The following ZC3H12B variants were observed in gnomAD, a reference collection of about 807,000 sequenced individuals.
ZC3H12B encodes the protein probable ribonuclease ZC3H12B.
ZC3H12B carries 7 observed loss-of-function variants against 43.9 expected under a neutral mutation model. The observed-to-expected ratio is 0.16, with a 90% confidence interval of 0.09 to 0.30. The LOEUF is 0.30. Among genes scored for constraint, ZC3H12B ranks in the 10% least tolerant of loss-of-function variants. ZC3H12B has a pLI of 1.00. For synonymous variants in ZC3H12B, 222 were observed against 241.7 expected, an observed-to-expected ratio of 0.92 and a Z score of 0.76; for missense variants, 475 against 670.2, an observed-to-expected ratio of 0.71 and a Z score of 3.22.
chrX:65,081,115 C>T, the ZC3H12B span, among the ~76,000 whole-genome samples: 2 of 102,985 alleles, frequency 1.9e-5, no homozygotes, highest in East Asian at 3.0e-4. Context: ...AAACCTCAAA[C>T]TAAAAAACAT....
At chrX:65,299,849 G>A in the ZC3H12B span, among the ~76,000 whole-genome samples, 1 of 112,579 alleles carries the variant, frequency 8.9e-6, no homozygotes, top group African/African-American at 3.2e-5. Context: ...AAGTGTGAGA[G>A]GGGGAACGTC....
At chrX:65,479,604 G>A (rs2068039409) in intron 3 of ZC3H12B, among the ~76,000 whole-genome samples, 1 of 111,422 alleles carries the variant, frequency 9.0e-6, no homozygotes, top group Admixed American at 9.5e-5. Context: ...CTGACCTCAG[G>A]TGATCTGCCC....
At chrX:65,094,699 G>C in the ZC3H12B span, among the ~76,000 whole-genome samples, 4 of 112,259 alleles carry the variant, frequency 3.6e-5, no homozygotes, top group African/African-American at 1.3e-4. Flanking sequence ...TAAAAAGTCA[G>C]TTTCCATTAA....
chrX:65,101,008 C>T, the ZC3H12B span, among the ~76,000 whole-genome samples: 2 of 111,615 alleles, frequency 1.8e-5, no homozygotes, highest in African/African-American at 6.5e-5. Flanking sequence ...AAACACTCCT[C>T]AGCAAATTCA....
At chrX:65,445,377 A>C (rs2148133205) in intron 3 of ZC3H12B, among the ~76,000 whole-genome samples, 1 of 112,570 alleles carries the variant, frequency 8.9e-6, no homozygotes, top group South Asian at 3.7e-4. Flanking sequence ...TTCAAAGGGA[A>C]TTGAGTGTTG....
chrX:65,188,288 T>G, the ZC3H12B span, among the ~76,000 whole-genome samples: 2 of 111,320 alleles, frequency 1.8e-5, no homozygotes, highest in Non-Finnish European at 3.8e-5. Flanking sequence ...AGCTATCTTT[T>G]CAATATACTG....
At chrX:65,222,851 G>C in the ZC3H12B span, among the ~76,000 whole-genome samples, 1 of 109,808 alleles carries the variant, frequency 9.1e-6, no homozygotes, top group African/African-American at 3.3e-5. Context: ...CAAAATGCCA[G>C]CATCATTCTT....
the ZC3H12B span, among the ~76,000 whole-genome samples, chrX:65,195,493 TG>T: frequency 8.9e-6 from 1 of 112,473 alleles, no homozygotes; most frequent in Non-Finnish European, 1.9e-5. Flanking sequence ...TTTAACTTTT[TG>T]TTGTTTCTAT....
rs1218073344 is a variant in ZC3H12B, at chrX:65,457,117, G to A, written n.408-31529G>A. Among the ~76,000 whole-genome samples the A allele has an allele frequency of 1.7e-4, 15 of 89,024 alleles. No homozygotes were observed. In the East Asian group the frequency reaches 3.7e-3, roughly 22 times the overall value. The allele number at this position is 89,024 out of a possible 115,157, so 77.3% of individuals were successfully genotyped here. A position where few individuals can be genotyped will look rare whatever the true frequency, so the allele number is the denominator to read the frequency against. On this transcript the variant is annotated intron_variant and non_coding_transcript_variant, in intron 3 of 5. Coordinates refer to the ZC3H12B transcript ENST00000617377. Reference sequence around the variant, plus strand: ...CCGCCCTGTCTGGGATGTGAGGAGCGCCTCTGCTGGGCTGCAACCCTGTCT... The same window carrying A: ...CCGCCCTGTCTGGGATGTGAGGAGCACCTCTGCTGGGCTGCAACCCTGTCT...
At chrX:65,412,928 T>C (rs2066920833) in intron 3 of ZC3H12B, among the ~76,000 whole-genome samples, 1 of 111,749 alleles carries the variant, frequency 8.9e-6, no homozygotes, top group Non-Finnish European at 1.9e-5. Flanking sequence ...TGTTTAAGGA[T>C]TCCATTTTCT....
At chrX:65,435,686 ATAG>A (rs776002689) in intron 3 of ZC3H12B, among the ~76,000 whole-genome samples, 100 of 111,370 alleles carry the variant, frequency 9.0e-4, no homozygotes, top group Non-Finnish European at 1.7e-3. Context: ...AGATAGATAG[ATAG>A]ATAGATAGAT....
In ZC3H12B at chrX:65,432,020, A is replaced by G. The variant is rs932716196; in HGVS notation, n.407+33316A>G. On this transcript the variant is annotated intron_variant and non_coding_transcript_variant, in intron 3 of 5. Transcript: ENST00000617377. The stretch of plus-strand genomic sequence containing the variant: ...TGCCTGAGTCTTCTCTTCTTTTGTC[A>G]ATTGAACCTAGGTCACTCCCCATGA... 2.7e-5 allele frequency among the ~76,000 whole-genome samples: 3 copies of G among 111,701 alleles called. No homozygotes were observed. The South Asian group carries it at 1.1e-3, about 42-fold the overall frequency.
chrX:65,385,511 G>C (rs766125909), intron 2 of ZC3H12B, among the ~76,000 whole-genome samples: 2 of 112,248 alleles, frequency 1.8e-5, no homozygotes, highest in African/African-American at 3.2e-5. Context: ...TATTATGAGA[G>C]TTTGCTGAAG....
At chrX:65,165,708 G>C in the ZC3H12B span, among the ~76,000 whole-genome samples, 1 of 112,294 alleles carries the variant, frequency 8.9e-6, no homozygotes, top group Middle Eastern at 4.2e-3. Context: ...ATCAACATTT[G>C]AGTTGGTTCC....
chrX:65,478,114 C>T (rs1274544261), intron 3 of ZC3H12B, among the ~76,000 whole-genome samples: 1 of 111,782 alleles, frequency 8.9e-6, no homozygotes, highest in Non-Finnish European at 1.9e-5. Context: ...CTTTGACATA[C>T]TTTCTTATAA....
At chrX:65,215,358 A>G in the ZC3H12B span, among the ~76,000 whole-genome samples, 1 of 111,734 alleles carries the variant, frequency 8.9e-6, no homozygotes, top group African/African-American at 3.2e-5. Flanking sequence ...TGTAGCCACC[A>G]TCATCTATTA....
chrX:65,231,061 C>T, the ZC3H12B span, among the ~76,000 whole-genome samples: 195 of 111,133 alleles, frequency 1.8e-3, no homozygotes, highest in African/African-American at 5.9e-3. Context: ...AATTGTTGGC[C>T]GGTCTGAGAA....
intron 3 of ZC3H12B, among the ~76,000 whole-genome samples, chrX:65,476,647 C>T (rs1302574534): frequency 1.8e-5 from 2 of 111,278 alleles, no homozygotes; most frequent in Admixed American, 9.5e-5. Flanking sequence ...AATCTCAGAA[C>T]TGTCATGGTG....
At chrX:65,231,513 T>A in the ZC3H12B span, among the ~76,000 whole-genome samples, 1 of 110,745 alleles carries the variant, frequency 9.0e-6, no homozygotes, top group Non-Finnish European at 1.9e-5. Context: ...TCAATCCTTA[T>A]CTTAACCACA....
Sources: allele counts gnomAD v4.1 joint callset (sites outside exome capture counted in the v4.1 genomes callset), GRCh38; gene constraint gnomAD v4.1.1; transcripts MANE v1.5; gene names NCBI Gene and HGNC (gene_info 2026-07-23, HGNC 2026-07-21).